The following LARGE1 variants were observed in gnomAD, a reference collection of about 807,000 sequenced individuals.
The protein encoded by LARGE1 is xylosyl- and glucuronyltransferase LARGE1.
LARGE1 carries 43 observed loss-of-function variants against 87.6 expected under a neutral mutation model. The ratio of observed to expected loss-of-function variants is 0.49; its 90% CI spans 0.38 to 0.63. The LOEUF is 0.63. Ranked by LOEUF, LARGE1 falls within the 30% of genes least tolerant of loss-of-function variation. The pLI is 0.00. For synonymous variants in LARGE1, 434 were observed against 394.6 expected (o/e 1.10, Z -1.18); for missense variants, 802 against 1,000.2 (o/e 0.80, Z 2.67).
chr22:33,498,127 C>A (rs1467935393), intron 6 of LARGE1, among the ~76,000 whole-genome samples: 1 of 152,098 alleles, frequency 6.6e-6, no homozygotes, highest in Non-Finnish European at 1.5e-5. Flanking sequence ...TCAAGTGATC[C>A]ATCCACCTCG....
rs60815644 is a variant in LARGE1 at position 33,642,710 on chromosome 22, C to CAAAAAAAAAAAAAAAAAAAAAAA, written c.408+7634_408+7656dup. 1.2e-4 allele frequency among the ~76,000 whole-genome samples: 2 copies of CAAAAAAAAAAAAAAAAAAAAAAA among 17,352 alleles called. 1 individual carries two copies. The highest frequency in any genetic ancestry group is 5.2e-4 in the African/African-American group (2 of 3,812). 11.4% of individuals were successfully genotyped at this position (17,352 alleles called of 152,430 possible). ...GAATATTTACCAAGCAAATGGAAAG[C>CAAAAAAAAAAAAAAAAAAAAAAA]AAAAAAAAAAAAAAAAAAAAAAAAA... On this transcript the variant is annotated intron_variant, in intron 3 of 14. Coordinates refer to ENST00000397394, the MANE Select transcript of LARGE1 (RefSeq NM_133642.5).
chr22:33,098,176 C>T, the LARGE1 span, among the ~76,000 whole-genome samples: 1 of 152,040 alleles, frequency 6.6e-6, no homozygotes, highest in Admixed American at 6.6e-5. Context: ...GGCATGGTGG[C>T]ACATGACTGT....
chr22:33,529,492 GC>G (rs1234906095), intron 6 of LARGE1, among the ~76,000 whole-genome samples: 2 of 152,190 alleles, frequency 1.3e-5, no homozygotes, highest in African/African-American at 2.4e-5. Flanking sequence ...GACAAAAGCA[GC>G]CCCAACGTGC....
At chr22:33,132,506 T>C in the LARGE1 span, among the ~76,000 whole-genome samples, 2 of 79,664 alleles carry the variant, frequency 2.5e-5, no homozygotes, top group Non-Finnish European at 5.9e-5. Context: ...AAATATAATG[T>C]TGAATTAAAA....
intron 7 of LARGE1, among the ~76,000 whole-genome samples, chr22:33,420,073 C>T (rs1275906737): frequency 6.6e-6 from 1 of 152,182 alleles, no homozygotes; most frequent in Admixed American, 6.5e-5. Flanking sequence ...GCCCGTAGAA[C>T]CTCCTGGCTG....
chr22:33,432,074 G>A, intron 7 of LARGE1, 87 bp downstream of exon 7: 2 of 1,103,102 alleles, frequency 1.8e-6, no homozygotes, highest in Non-Finnish European at 2.8e-6. Context: ...CTCCTCCTGA[G>A]CTTTTGCAAT....
Position 33,878,920 on chromosome 22 carries a change from T to A in LARGE1, c.-83+41075A>T, listed in dbSNP as rs1241899337. On this transcript the variant is annotated intron_variant, in intron 1 of 14. Transcript: ENST00000397394. ...ATCATCAGGATGCATGATATTCAGA[T>A]GCTTTCAATACTTGGCCATAGTGAC... 2.0e-5 allele frequency among the ~76,000 whole-genome samples: 3 copies of A among 152,098 alleles called. No homozygotes were observed. The South Asian group carries it at 6.2e-4, about 32-fold the overall frequency.
intron 6 of LARGE1, among the ~76,000 whole-genome samples, chr22:33,543,072 T>C (rs1216873068): frequency 6.6e-6 from 1 of 152,208 alleles, no homozygotes; most frequent in Admixed American, 6.5e-5. Flanking sequence ...GCTGCTTCTG[T>C]ACAAGACTGG....
At chr22:33,167,028 T>C (rs1445237930) in intron 11 of LARGE1, among the ~76,000 whole-genome samples, 1 of 152,196 alleles carries the variant, frequency 6.6e-6, no homozygotes, top group African/African-American at 2.4e-5. Flanking sequence ...AGTAACCCAA[T>C]TTATCAATGT....
chr22:33,650,644 G>A lies in LARGE1; in HGVS notation c.131C>T (p.Pro44Leu), dbSNP rs143437080. The A allele has an allele frequency of 4.0e-5, 64 of 1,601,884 alleles. No individual in the cohort carries two copies. Among genetic ancestry groups the A allele is most frequent in the African/African-American group, 1.1e-4 (8 of 74,888 alleles). The change falls in exon 3 of 15, where the codon CCG (proline) becomes CTG (leucine). Residue 44 changes from proline to leucine, a missense_variant. Around this residue, in one of 2 missense-constraint regions of LARGE1, gnomAD observed 177 missense variants for 158.3 expected, o/e 1.12. Coordinates refer to ENST00000397394, the MANE Select transcript of LARGE1 (RefSeq NM_133642.5). Reference protein sequence around the residue: ...FEDGKPVSLSPLESQAHSPRY... With the variant: ...FEDGKPVSLSLLESQAHSPRY... Reference sequence around the variant, plus strand: ...GGGGCTGTGTGCCTGGGACTCCAGCGGTGACAGAGACACGGGCTTTCCATC... The same window carrying A: ...GGGGCTGTGTGCCTGGGACTCCAGCAGTGACAGAGACACGGGCTTTCCATC...
rs768575081 is a variant in LARGE1 at position 33,698,221 on chromosome 22, C to T, written c.107-47553G>A. On this transcript the variant is annotated intron_variant, in intron 2 of 14. Transcript: ENST00000397394. ...CCGAGTAGCTGAGAGTACAGGAGCA[C>T]GCCACCACGCTCGGCTAATTTTTGT... is the stretch of plus-strand genomic sequence containing the variant. Among the ~76,000 whole-genome samples, 31 of 152,018 alleles carry T rather than the reference C, an allele frequency of 2.0e-4. 2 individuals are homozygous for T. Among genetic ancestry groups the T allele is most frequent in the African/African-American group, 3.4e-4 (14 of 41,428 alleles).
intron 1 of LARGE1, among the ~76,000 whole-genome samples, chr22:33,818,855 TC>T (rs1483495734): frequency 6.6e-6 from 1 of 152,068 alleles, no homozygotes; most frequent in Non-Finnish European, 1.5e-5. Context: ...GTCCAGGACT[TC>T]CCCCACCTTC....
At chr22:33,387,121 A>C (rs2065350729) in intron 7 of LARGE1, among the ~76,000 whole-genome samples, 3 of 146,058 alleles carry the variant, frequency 2.1e-5, no homozygotes, top group Admixed American at 6.8e-5. Flanking sequence ...AAAAAACAAA[A>C]AACAAAAAAC....
intron 1 of LARGE1, among the ~76,000 whole-genome samples, chr22:33,821,396 CCCATCCTGAAATGATAAACT>C (rs1343840161): frequency 3.3e-5 from 5 of 152,164 alleles, no homozygotes; most frequent in African/African-American, 4.8e-5. Flanking sequence ...AGTTTACCTC[CCCATCCTGAAATGATAAACT>C]CCTAGAGTGC....
intron 6 of LARGE1, among the ~76,000 whole-genome samples, chr22:33,453,265 A>T (rs911176872): frequency 6.6e-6 from 1 of 152,024 alleles, no homozygotes; most frequent in African/African-American, 2.4e-5. Context: ...AAATACAAAA[A>T]TTAGCTGGGC....
chr22:33,600,775 A>T (rs2079093033), intron 5 of LARGE1, among the ~76,000 whole-genome samples: 1 of 152,184 alleles, frequency 6.6e-6, no homozygotes, highest in Non-Finnish European at 1.5e-5. Context: ...AGCCGGGGGC[A>T]GTGGCTCATG....
chr22:33,855,962 T>C (rs542447396), intron 1 of LARGE1, among the ~76,000 whole-genome samples: 63 of 152,246 alleles, frequency 4.1e-4, no homozygotes, highest in African/African-American at 1.5e-3. Context: ...TAATAAATGA[T>C]GGAGTCGGGA....
At chr22:33,702,791 T>C (rs928551335) in intron 2 of LARGE1, among the ~76,000 whole-genome samples, 4 of 151,902 alleles carry the variant, frequency 2.6e-5, no homozygotes, top group African/African-American at 9.7e-5. Flanking sequence ...TACAATACAG[T>C]GTGAGGTAAA....
chr22:33,679,773 C>T (rs376725826), intron 2 of LARGE1, among the ~76,000 whole-genome samples: 9 of 152,146 alleles, frequency 5.9e-5, no homozygotes, highest in African/African-American at 1.2e-4. Flanking sequence ...ACCCGGGAGG[C>T]GGAGGTTGCA....
Sources: gnomAD v4.1 joint callset for allele counts (sites outside exome capture counted in the v4.1 genomes callset) on GRCh38, gnomAD v4.1.1 for gene constraint, gnomAD v4.1.1 regional missense constraint, MANE v1.5 for transcripts, NCBI Gene and HGNC (gene_info 2026-07-23, HGNC 2026-07-21) for gene names.